The following UBE2E3 variants were observed in gnomAD, a reference collection of about 807,000 sequenced individuals.
UBE2E3 encodes the protein ubiquitin-conjugating enzyme E2 E3.
A neutral mutation model predicts 23.6 loss-of-function variants in UBE2E3; 5 were observed. The ratio of observed to expected loss-of-function variants is 0.21; its 90% CI spans 0.11 to 0.44. UBE2E3 has a LOEUF of 0.44. Ranked by LOEUF, UBE2E3 falls within the 20% of genes least tolerant of loss-of-function variation. The probability of loss-of-function intolerance (pLI) is 0.99; values close to 1 mark genes in which losing one functional copy is unlikely to be tolerated. For missense variants in UBE2E3, 81 were observed against 249.8 expected (o/e 0.32, Z 4.55); for synonymous variants, 78 against 87.5 (o/e 0.89, Z 0.60).
intron 4 of UBE2E3, among the ~76,000 whole-genome samples, chr2:181,058,790 CTTA>C (rs909638502): frequency 6.6e-6 from 1 of 151,726 alleles, no homozygotes; most frequent in Non-Finnish European, 1.5e-5. Flanking sequence ...TTCTCAGTAA[CTTA>C]TTGTCTAACA....
intron 3 of UBE2E3, among the ~76,000 whole-genome samples, chr2:181,028,885 C>T (rs534138456): frequency 1.3e-4 from 20 of 151,936 alleles, no homozygotes; most frequent in Non-Finnish European, 2.5e-4. Flanking sequence ...TTATCAGTCT[C>T]TTATATGATT....
rs374125049 is a variant in UBE2E3, at chr2:180,984,112, T to G, written c.245+19T>G. On this transcript the variant is annotated intron_variant, in intron 3 of 5. Coordinates refer to ENST00000410062, the MANE Select transcript of UBE2E3 (RefSeq NM_006357.4). The stretch of plus-strand genomic sequence containing the variant: ...ATTGCAGGTAAGAAATGAATTTTGT[T>G]GTTTTGGTTTCAAATTGTGGAAAAA... The G allele has an allele frequency of 2.5e-6, 4 of 1,603,496 alleles. No homozygotes were observed. The highest frequency in any genetic ancestry group is 3.4e-6 in the Non-Finnish European group (4 of 1,172,270).
intron 3 of UBE2E3, among the ~76,000 whole-genome samples, chr2:181,029,659 C>CTTTTTTTTTTTTTTTTTTTTATT (rs1686011384): frequency 2.6e-5 from 3 of 116,852 alleles, no homozygotes; most frequent in African/African-American, 6.6e-5. Context: ...TGTAGACAAT[C>CTTTTTTTTTTTTTTTTTTTTATT]TTTTTTTTTT....
intron 3 of UBE2E3, among the ~76,000 whole-genome samples, chr2:180,998,525 G>C (rs1229045446): frequency 1.3e-5 from 2 of 151,440 alleles, no homozygotes; most frequent in Non-Finnish European, 2.9e-5. Context: ...GAACAATTAA[G>C]ATCATGTTTC....
At chr2:181,016,371 T>C (rs1685492194) in intron 3 of UBE2E3, among the ~76,000 whole-genome samples, 1 of 152,130 alleles carries the variant, frequency 6.6e-6, no homozygotes, top group African/African-American at 2.4e-5. Flanking sequence ...TGAGCCACCA[T>C]GCTTGGCTAA....
chr2:181,029,760 C>A (rs1227677507), intron 3 of UBE2E3, among the ~76,000 whole-genome samples: 2 of 141,862 alleles, frequency 1.4e-5, no homozygotes, highest in Non-Finnish European at 3.1e-5. Flanking sequence ...TTAAATGGAG[C>A]GGTATAAACT....
At chr2:181,055,105 G>A (rs974841366) in intron 3 of UBE2E3, among the ~76,000 whole-genome samples, 1 of 151,738 alleles carries the variant, frequency 6.6e-6, no homozygotes, top group African/African-American at 2.4e-5. Flanking sequence ...AGTAATGGGA[G>A]GAAATGCCTG....
At chr2:180,992,008 C>G (rs933952297) in intron 3 of UBE2E3, among the ~76,000 whole-genome samples, 1 of 152,256 alleles carries the variant, frequency 6.6e-6, no homozygotes, top group Non-Finnish European at 1.5e-5. Context: ...ACTTCTGTTA[C>G]GTGACCATGA....
chr2:181,019,123 C>G (rs1685592013), intron 3 of UBE2E3, among the ~76,000 whole-genome samples: 5 of 152,186 alleles, frequency 3.3e-5, no homozygotes, highest in Admixed American at 3.3e-4. Context: ...GCCACCACAC[C>G]TGGCTGATTT....
At chr2:181,028,381 T>A (rs929109028) in intron 3 of UBE2E3, among the ~76,000 whole-genome samples, 1 of 152,072 alleles carries the variant, frequency 6.6e-6, no homozygotes, top group African/African-American at 2.4e-5. Context: ...TTACTGAACA[T>A]GTGTTCTAGT....
intron 3 of UBE2E3, among the ~76,000 whole-genome samples, chr2:180,995,553 A>G (rs757705109): frequency 2.6e-5 from 4 of 151,974 alleles, no homozygotes; most frequent in Admixed American, 6.6e-5. Flanking sequence ...CTTTTTTTCT[A>G]ATCTATAAGG....
chr2:181,047,779 C>T (rs1686715198), intron 3 of UBE2E3, among the ~76,000 whole-genome samples: 1 of 151,852 alleles, frequency 6.6e-6, no homozygotes, highest in South Asian at 2.1e-4. Flanking sequence ...AGACCATTTT[C>T]CACAGAGCAG....
intron 3 of UBE2E3, among the ~76,000 whole-genome samples, chr2:181,029,929 A>G (rs1686023232): frequency 2.0e-5 from 3 of 146,938 alleles, no homozygotes; most frequent in Non-Finnish European, 4.5e-5. Context: ...CTCTGCCTCC[A>G]GGGTTCAAGT....
At chr2:181,006,651 A>G (rs1381231858) in intron 3 of UBE2E3, among the ~76,000 whole-genome samples, 1 of 151,284 alleles carries the variant, frequency 6.6e-6, no homozygotes, top group Non-Finnish European at 1.5e-5. Flanking sequence ...TGATTTTGAG[A>G]TAATTATAGA....
intron 2 of UBE2E3, 176 bp from the exon 3 acceptor site, chr2:180,983,867 T>A (rs1325273629): frequency 4.5e-6 from 2 of 445,394 alleles, no homozygotes; most frequent in Non-Finnish European, 8.1e-6. Context: ...CTGCAAAGTT[T>A]CTGTTAAGGG....
intron 3 of UBE2E3, among the ~76,000 whole-genome samples, chr2:181,023,658 T>C (rs1299538455): frequency 6.6e-6 from 1 of 152,112 alleles, no homozygotes; most frequent in Non-Finnish European, 1.5e-5. Context: ...GCATAAAAAT[T>C]GGGGGCATCC....
intron 3 of UBE2E3, among the ~76,000 whole-genome samples, chr2:180,992,819 A>G (rs1052220414): frequency 2.0e-5 from 3 of 148,682 alleles, no homozygotes; most frequent in South Asian, 2.2e-4. Flanking sequence ...GTGCCACCAC[A>G]CTCAACTAAT....
At position 181,020,049 on chromosome 2, in the gene UBE2E3, G is replaced by T. The variant is rs1685626068; in HGVS notation, c.245+35956G>T. The stretch of plus-strand genomic sequence containing the variant: ...CTAGTGTTCTACTCTTTGCATCTCT[G>T]AGTTTGACTACTGTATTTCTTATCT... On this transcript the variant is annotated intron_variant, in intron 3 of 5. Transcript: ENST00000410062. Among the ~76,000 whole-genome samples the T allele has an allele frequency of 3.9e-5, 6 of 152,060 alleles. No homozygotes were observed. The South Asian group carries it at 8.3e-4, about 21-fold the overall frequency.
At chr2:181,036,359 A>G (rs1574207189) in intron 3 of UBE2E3, among the ~76,000 whole-genome samples, 1 of 152,174 alleles carries the variant, frequency 6.6e-6, no homozygotes, top group Admixed American at 6.5e-5. Flanking sequence ...GTATCTATAC[A>G]CAAAATACAG....
Sources: gnomAD v4.1 joint callset for allele counts (sites outside exome capture counted in the v4.1 genomes callset) on GRCh38, gnomAD v4.1.1 for gene constraint, MANE v1.5 for transcripts, NCBI Gene and HGNC (gene_info 2026-07-23, HGNC 2026-07-21) for gene names.